DPP10: variants seen among roughly 807,000 people sequenced by gnomAD.
The protein encoded by DPP10 is dipeptidyl peptidase like 10.
A neutral mutation model predicts 120.9 loss-of-function variants in DPP10; 33 were observed. That is an observed-to-expected ratio of 0.27 (90% CI 0.21 to 0.37). The LOEUF is 0.37. Among genes scored for constraint, DPP10 ranks in the 10% least tolerant of loss-of-function variants. The pLI is 1.00. For synonymous variants in DPP10, 337 were observed against 326.1 expected, an observed-to-expected ratio of 1.03 and a Z score of -0.36; for missense variants, 816 against 942.8, an observed-to-expected ratio of 0.87 and a Z score of 1.76.
chr2:115,704,472 A>G (rs530322929), intron 7 of DPP10, among the ~76,000 whole-genome samples: 1 of 151,906 alleles, frequency 6.6e-6, no homozygotes, highest in South Asian at 2.1e-4. Context: ...TTTCTCTCTC[A>G]TTTGTTTTTC....
intron 3 of DPP10, among the ~76,000 whole-genome samples, chr2:115,381,724 G>C (rs982625608): frequency 2.6e-5 from 4 of 152,106 alleles, no homozygotes; most frequent in African/African-American, 9.7e-5. Context: ...TCTACAGGTG[G>C]GTTTTTGGTG....
intron 4 of DPP10, among the ~76,000 whole-genome samples, chr2:115,515,118 G>T (rs544931219): frequency 6.6e-6 from 1 of 151,932 alleles, no homozygotes; most frequent in East Asian, 1.9e-4. Flanking sequence ...GCACCATAAA[G>T]TGTTCTTGTA....
chr2:114,821,128 G>A (rs1255120018), intron 1 of DPP10, among the ~76,000 whole-genome samples: 2 of 152,218 alleles, frequency 1.3e-5, no homozygotes, highest in African/African-American at 4.8e-5. Context: ...GTAGGCTGGA[G>A]GAGGTGGTGT....
chr2:115,806,186 A>T (rs1685946204), intron 19 of DPP10, among the ~76,000 whole-genome samples: 1 of 152,230 alleles, frequency 6.6e-6, no homozygotes, highest in African/African-American at 2.4e-5. Context: ...TTATAATCTT[A>T]TTCTGGCTAA....
intron 1 of DPP10, among the ~76,000 whole-genome samples, chr2:114,517,873 G>C (rs942595020): frequency 6.6e-6 from 1 of 152,114 alleles, no homozygotes; most frequent in Non-Finnish European, 1.5e-5. Flanking sequence ...AAGGAATGTG[G>C]AGGACCTCTG....
intron 1 of DPP10, among the ~76,000 whole-genome samples, chr2:114,602,189 GA>G (rs1428815608): frequency 6.6e-6 from 1 of 151,486 alleles, no homozygotes; most frequent in Non-Finnish European, 1.5e-5. Context: ...TTTTCCAAAA[GA>G]AAAAAATGAT....
chr2:114,869,353 C>T (rs138276637), intron 1 of DPP10, among the ~76,000 whole-genome samples: 1 of 152,036 alleles, frequency 6.6e-6, no homozygotes, highest in Non-Finnish European at 1.5e-5. Context: ...TGGCTCCCAG[C>T]TTGTCTGAGT....
At chr2:115,356,531 T>C (rs553845870) in intron 3 of DPP10, among the ~76,000 whole-genome samples, 1 of 152,108 alleles carries the variant, frequency 6.6e-6, no homozygotes. Flanking sequence ...CTCTTCCTAT[T>C]TGAATACCCT....
chr2:115,769,034 T>C (rs1681140364), intron 13 of DPP10, among the ~76,000 whole-genome samples: 1 of 151,998 alleles, frequency 6.6e-6, no homozygotes, highest in African/African-American at 2.4e-5. Flanking sequence ...AGTTTTATTA[T>C]AAAAAAATTA....
intron 1 of DPP10, among the ~76,000 whole-genome samples, chr2:115,007,252 A>T (rs1701921571): frequency 6.6e-6 from 1 of 152,176 alleles, no homozygotes; most frequent in African/African-American, 2.4e-5. Context: ...CATCCCTGGG[A>T]TGCAAGCCTG....
intron 1 of DPP10, among the ~76,000 whole-genome samples, chr2:114,496,626 C>T (rs1397934157): frequency 6.6e-6 from 1 of 152,024 alleles, no homozygotes; most frequent in African/African-American, 2.4e-5. Flanking sequence ...AAAGGCCCCA[C>T]CTCCTGATAT....
intron 1 of DPP10, among the ~76,000 whole-genome samples, chr2:114,546,878 A>C (rs1422352137): frequency 6.6e-6 from 1 of 152,224 alleles, no homozygotes; most frequent in African/African-American, 2.4e-5. Flanking sequence ...TATGTGGGCC[A>C]TAGGCCTGGG....
chr2:115,552,760 G>A (rs1243947101), intron 5 of DPP10, among the ~76,000 whole-genome samples: 2 of 151,978 alleles, frequency 1.3e-5, no homozygotes, highest in Non-Finnish European at 2.9e-5. Context: ...ACCTTACTCA[G>A]AAACCTCAAG....
At chr2:114,828,251 G>C (rs1022954409) in intron 1 of DPP10, among the ~76,000 whole-genome samples, 7 of 152,140 alleles carry the variant, frequency 4.6e-5, no homozygotes, top group Non-Finnish European at 7.3e-5. Flanking sequence ...CTGATAATGG[G>C]TAGATGTTCT....
chr2:115,642,488 C>T (rs2086866395), intron 5 of DPP10, among the ~76,000 whole-genome samples: 1 of 152,132 alleles, frequency 6.6e-6, no homozygotes, highest in African/African-American at 2.4e-5. Flanking sequence ...GCGTCTCCAG[C>T]CTGCTAATCT....
At chr2:114,981,318 AT>A (rs1403309804) in intron 1 of DPP10, among the ~76,000 whole-genome samples, 7 of 152,204 alleles carry the variant, frequency 4.6e-5, no homozygotes, top group Non-Finnish European at 7.4e-5. Context: ...TTGAATCAAT[AT>A]AATGGATTAC....
In DPP10 at chr2:115,681,768, TTCTC is replaced by T. The variant is rs932465941; in HGVS notation, c.442-7913_442-7910del. Among the ~76,000 whole-genome samples the T allele has an allele frequency of 9.8e-5, 13 of 132,880 alleles. No individual in the cohort carries two copies. In the South Asian group the frequency reaches 2.3e-3, roughly 24 times the overall value. The allele number at this position is 132,880 out of a possible 152,430, so 87.2% of individuals were successfully genotyped here. ...TCTCTCTCTCTCTTTCTCTTTCTCC[TTCTC>T]TCTCTTTCTTTCTTTCTTTCTCTTC... On this transcript the variant is annotated intron_variant, in intron 5 of 25. Coordinates refer to ENST00000410059, the MANE Select transcript of DPP10 (RefSeq NM_020868.6).
At chr2:115,647,909 G>A (rs2087411592) in intron 5 of DPP10, among the ~76,000 whole-genome samples, 1 of 152,162 alleles carries the variant, frequency 6.6e-6, no homozygotes, top group Admixed American at 6.6e-5. Context: ...AATTTTGGAG[G>A]TGATTTACGT....
intron 1 of DPP10, among the ~76,000 whole-genome samples, chr2:114,728,051 T>C (rs1205644933): frequency 6.6e-6 from 1 of 152,186 alleles, no homozygotes; most frequent in Non-Finnish European, 1.5e-5. Flanking sequence ...TAATAATCAG[T>C]GTTTCATCTT....
Sources: gnomAD v4.1 joint callset for allele counts (sites outside exome capture counted in the v4.1 genomes callset) on GRCh38, gnomAD v4.1.1 for gene constraint, MANE v1.5 for transcripts, NCBI Gene and HGNC (gene_info 2026-07-23, HGNC 2026-07-21) for gene names.